NTN1: variants seen among roughly 807,000 people sequenced by gnomAD.
NTN1 encodes netrin-1.
NTN1 carries 11 observed loss-of-function variants against 54.2 expected under a neutral mutation model. That is an observed-to-expected ratio of 0.20 (90% CI 0.13 to 0.34). NTN1 has a LOEUF of 0.34. Ranked by LOEUF, NTN1 falls within the 10% of genes least tolerant of loss-of-function variation. The probability of loss-of-function intolerance (pLI) is 1.00; values close to 1 mark genes in which losing one functional copy is unlikely to be tolerated. For missense variants in NTN1, 740 were observed against 893.1 expected, an observed-to-expected ratio of 0.83 and a Z score of 2.18; for synonymous variants, 371 against 382.0, an observed-to-expected ratio of 0.97 and a Z score of 0.33.
At chr17:9,149,995 A>G (rs955862206) in intron 2 of NTN1, among the ~76,000 whole-genome samples, 6 of 152,152 alleles carry the variant, frequency 3.9e-5, no homozygotes, top group African/African-American at 9.7e-5. Flanking sequence ...TGAGGTCAGG[A>G]GTTTGAGACC....
chr17:9,021,055 G>C (rs968007462), upstream of NTN1, among the ~76,000 whole-genome samples: 2 of 152,216 alleles, frequency 1.3e-5, no homozygotes. Flanking sequence ...GGGCCATCAG[G>C]CTGGGTTAGA....
intron 2 of NTN1, among the ~76,000 whole-genome samples, chr17:9,075,480 CAAACAA>C (rs1228220332): frequency 6.6e-6 from 1 of 151,892 alleles, no homozygotes; most frequent in Non-Finnish European, 1.5e-5. Context: ...GACTCCATCT[CAAACAA>C]AAACAAAAAC....
chr17:9,073,599 G>A (rs1463987470), intron 2 of NTN1, among the ~76,000 whole-genome samples: 4 of 152,212 alleles, frequency 2.6e-5, no homozygotes, highest in African/African-American at 2.4e-5. Context: ...CCCTCCCGCC[G>A]AGTGCAGGAG....
At chr17:9,091,749 G>C (rs980921283) in intron 2 of NTN1, among the ~76,000 whole-genome samples, 1 of 151,802 alleles carries the variant, frequency 6.6e-6, no homozygotes, top group Non-Finnish European at 1.5e-5. Flanking sequence ...CACCGTGTCC[G>C]GCCCGTTTAG....
chr17:9,049,126 A>C (rs1206086145), intron 2 of NTN1, among the ~76,000 whole-genome samples: 1 of 152,220 alleles, frequency 6.6e-6, no homozygotes, highest in East Asian at 1.9e-4. Flanking sequence ...CCAAATAATA[A>C]TTGTAAAAAA....
intron 3 of NTN1, among the ~76,000 whole-genome samples, chr17:9,166,340 C>CT (rs34345156): frequency 0.2 from 22,822 of 112,948 alleles, 3,207 homozygotes; most frequent in Middle Eastern, 0.25. Flanking sequence ...CAGGCTCTGG[C>CT]TTTTTTTTTT....
intron 2 of NTN1, among the ~76,000 whole-genome samples, chr17:9,053,134 C>G (rs761155573): frequency 6.6e-6 from 1 of 152,202 alleles, no homozygotes; most frequent in Non-Finnish European, 1.5e-5. Flanking sequence ...AACACAGCCA[C>G]GCCCATTTGT....
At chr17:9,125,603 GTTAT>G (rs1009812459) in intron 2 of NTN1, among the ~76,000 whole-genome samples, 3 of 151,578 alleles carry the variant, frequency 2.0e-5, no homozygotes, top group East Asian at 2.0e-4. Flanking sequence ...CTATTTGAGG[GTTAT>G]TTATTTATTT....
chr17:9,039,868 C>G (rs1346384922), intron 2 of NTN1, among the ~76,000 whole-genome samples: 1 of 151,998 alleles, frequency 6.6e-6, no homozygotes, highest in East Asian at 1.9e-4. Context: ...ATTGCTATAC[C>G]ACAATTTTTC....
the NTN1 span, among the ~76,000 whole-genome samples, chr17:9,014,798 T>C: frequency 6.6e-6 from 1 of 152,208 alleles, no homozygotes; most frequent in African/African-American, 2.4e-5. Flanking sequence ...ACACAGCTCA[T>C]ACTCTTGGTA....
chr17:9,117,083 G>C (rs1376077167), intron 2 of NTN1, among the ~76,000 whole-genome samples: 1 of 152,230 alleles, frequency 6.6e-6, no homozygotes, highest in African/African-American at 2.4e-5. Flanking sequence ...ACCCGGGGAA[G>C]CTGTGAGGCG....
intron 2 of NTN1, among the ~76,000 whole-genome samples, chr17:9,037,775 G>A (rs907232221): frequency 6.6e-6 from 1 of 152,130 alleles, no homozygotes; most frequent in Admixed American, 6.5e-5. Flanking sequence ...CTGCTACTGC[G>A]ATTACAGCTG....
At chr17:9,039,279 T>C (rs746844688) in intron 2 of NTN1, among the ~76,000 whole-genome samples, 2 of 152,234 alleles carry the variant, frequency 1.3e-5, no homozygotes, top group Non-Finnish European at 2.9e-5. Context: ...CAAGTTTCAT[T>C]ACAAATGCCA....
At chr17:9,161,191 G>C (rs2092355863) in intron 2 of NTN1, among the ~76,000 whole-genome samples, 2 of 152,158 alleles carry the variant, frequency 1.3e-5, no homozygotes, top group Admixed American at 1.3e-4. Context: ...CCAGGCTGGT[G>C]GGGTGGAGCG....
At chr17:9,036,337 A>T (rs2091903412) in intron 2 of NTN1, among the ~76,000 whole-genome samples, 1 of 150,928 alleles carries the variant, frequency 6.6e-6, no homozygotes, top group Admixed American at 6.6e-5. Context: ...CAGGCAGTGC[A>T]GCTCTGGAGG....
At chr17:9,226,162 C>CGG (rs71135953) in intron 6 of NTN1, among the ~76,000 whole-genome samples, 10 of 116,528 alleles carry the variant, frequency 8.6e-5, no homozygotes, top group African/African-American at 3.2e-4. Flanking sequence ...GATTTGGGGT[C>CGG]GGGGGGGGGC....
At chr17:9,009,239 C>T in the NTN1 span, among the ~76,000 whole-genome samples, 21 of 152,246 alleles carry the variant, frequency 1.4e-4, no homozygotes, top group Admixed American at 3.9e-4. Context: ...GAAATCCAAA[C>T]AGTCCTCTTG....
intron 2 of NTN1, among the ~76,000 whole-genome samples, chr17:9,035,827 G>A (rs1304096663): frequency 1.3e-5 from 2 of 152,138 alleles, no homozygotes; most frequent in Non-Finnish European, 2.9e-5. Context: ...TTCAAAACCA[G>A]CCTGGCCAAC....
chr17:9,193,932 A>AAAAAAAAAC (rs1904545124), intron 5 of NTN1, among the ~76,000 whole-genome samples: 1 of 122,054 alleles, frequency 8.2e-6, no homozygotes, highest in African/African-American at 3.8e-5. Flanking sequence ...AAAAAAAAAA[A>AAAAAAAAAC]AAAAAAAAAA....
Sources: gnomAD v4.1 joint callset for allele counts (sites outside exome capture counted in the v4.1 genomes callset) on GRCh38, gnomAD v4.1.1 for gene constraint, MANE v1.5 for transcripts, NCBI Gene and HGNC (gene_info 2026-07-23, HGNC 2026-07-21) for gene names.